NSG1: variants seen among roughly 807,000 people sequenced by gnomAD.
NSG1 encodes neuronal vesicle trafficking-associated protein 1.
NSG1 carries 9 observed loss-of-function variants against 19.3 expected under a neutral mutation model. The ratio of observed to expected loss-of-function variants is 0.47; its 90% CI spans 0.28 to 0.81. The LOEUF (loss-of-function observed/expected upper bound fraction) is 0.81. NSG1 is among the 40% of genes least tolerant of loss of function. The pLI is 0.11. For synonymous variants in NSG1, 104 were observed against 107.0 expected (o/e 0.97, Z 0.17); for missense variants, 236 against 242.4 (o/e 0.97, Z 0.18).
intron 4 of NSG1, among the ~76,000 whole-genome samples, chr4:4,416,869 C>A (rs1376656861): frequency 6.6e-6 from 1 of 152,204 alleles, no homozygotes; most frequent in Non-Finnish European, 1.5e-5. Flanking sequence ...CACTTCCCTT[C>A]CGTCCTCATT....
At position 4,409,655 on chromosome 4, in the gene NSG1, G is replaced by T. The variant is rs777962457; in HGVS notation, c.329G>T (p.Arg110Leu). The T allele has an allele frequency of 6.8e-6, 11 of 1,613,984 alleles. No homozygotes were observed. The highest frequency in any genetic ancestry group is 4.0e-5 in the African/African-American group (3 of 74,910). ...GTCTACAAGGTGTACAAGTATGACC[G>T]CGCCTGCCCCGATGGGTTCGTCCTC... ...LVVYKVYKYD[R>L]ACPDGFVLKN... Residue 110 changes from arginine (R) to leucine (L), a missense_variant, in exon 4 of 5, where the codon CGC (arginine) becomes CTC (leucine). Coordinates refer to ENST00000621129, the MANE Select transcript of NSG1 (RefSeq NM_014392.5).
intron 2 of NSG1, among the ~76,000 whole-genome samples, chr4:4,388,426 A>T (rs1722845756): frequency 6.6e-6 from 1 of 152,342 alleles, no homozygotes; most frequent in East Asian, 1.9e-4. Flanking sequence ...GAATTTAAAG[A>T]ATCTCCTCTT....
At chr4:4,410,842 T>C (rs1443527320) in intron 4 of NSG1, among the ~76,000 whole-genome samples, 1 of 152,196 alleles carries the variant, frequency 6.6e-6, no homozygotes, top group Non-Finnish European at 1.5e-5. Flanking sequence ...GAGCTCACTG[T>C]AACCTTTTTA....
intron 3 of NSG1, among the ~76,000 whole-genome samples, chr4:4,407,171 G>T (rs1273569839): frequency 6.7e-6 from 1 of 148,242 alleles, no homozygotes; most frequent in Non-Finnish European, 1.5e-5. Context: ...CTGGCCCTTA[G>T]AGAGGGTGAT....
intron 2 of NSG1, among the ~76,000 whole-genome samples, chr4:4,387,992 G>A (rs973457609): frequency 2.0e-5 from 3 of 149,706 alleles, no homozygotes; most frequent in African/African-American, 7.3e-5. Context: ...ACAGTGGAAC[G>A]CGGTGGGGCA....
rs150846848 is a variant in NSG1 at position 4,402,147 on chromosome 4, C to T, written c.247-7426C>T. 3.5e-3 allele frequency among the ~76,000 whole-genome samples: 531 copies of T among 151,068 alleles called. 3 individuals are homozygous for T. The highest frequency in any genetic ancestry group is 0.012 in the African/African-American group (509 of 41,070). On this transcript the variant is annotated intron_variant, in intron 3 of 4. Transcript: ENST00000621129. ...CAAGTGATCCTCTCGCTTCGGCCTC[C>T]CAAAGTGCTGGGATTACAGCATGAG... is the stretch of plus-strand genomic sequence containing the variant.
intron 4 of NSG1, chr4:4,416,166 G>C (rs1319269413): frequency 2.8e-6 from 2 of 702,436 alleles, no homozygotes; most frequent in Admixed American, 2.0e-5. Context: ...TGAGGGACCT[G>C]AGATTGAGAG....
At chr4:4,408,680 G>A (rs193084896) in intron 3 of NSG1, among the ~76,000 whole-genome samples, 4 of 152,270 alleles carry the variant, frequency 2.6e-5, no homozygotes, top group African/African-American at 4.8e-5. Flanking sequence ...AGCTGGTGTC[G>A]AATTCCTGAC....
intron 3 of NSG1, among the ~76,000 whole-genome samples, chr4:4,405,317 C>T (rs1363153791): frequency 1.3e-5 from 2 of 152,218 alleles, no homozygotes; most frequent in African/African-American, 4.8e-5. Context: ...TGGATTAGGG[C>T]CCACCCTGAT....
rs374742060 is a variant in NSG1 at position 4,417,351 on chromosome 4, G to A, written c.474G>A (p.Thr158=). The change falls in exon 5 of 5, where the codon ACG becomes ACA. Residue 158 remains threonine, a synonymous_variant. Coordinates refer to ENST00000621129, the MANE Select transcript of NSG1 (RefSeq NM_014392.5). ...ACAACCTGGCCAAGCAGAGCATCAC[G>A]CGCTCCGTATCGCCCTGGATGTCAG... The part of the protein sequence containing the change: ...NHYNLAKQSI[T]RSVSPWMSVL... 37 of 1,614,042 alleles carry A rather than the reference G, an allele frequency of 2.3e-5. No individual in the cohort carries two copies. Among genetic ancestry groups the A allele is most frequent in the Middle Eastern group, 3.3e-4 (2 of 6,084 alleles).
intron 3 of NSG1, among the ~76,000 whole-genome samples, chr4:4,396,862 G>T (rs1263931122): frequency 6.6e-6 from 1 of 151,984 alleles, no homozygotes; most frequent in Non-Finnish European, 1.5e-5. Flanking sequence ...TGGGGGTGGG[G>T]GTTCTTCCCG....
chr4:4,401,974 A>G (rs1437175388), intron 3 of NSG1, among the ~76,000 whole-genome samples: 6 of 150,950 alleles, frequency 4.0e-5, no homozygotes, highest in Non-Finnish European at 5.9e-5. Context: ...TCAAACTCCC[A>G]GGCTGAAGCG....
chr4:4,409,634 A>G lies in NSG1; in HGVS notation c.308A>G (p.Tyr103Cys). 2 of 1,614,076 alleles carry G rather than the reference A, an allele frequency of 1.2e-6. No individual in the cohort carries two copies. Among genetic ancestry groups the G allele is most frequent in the Non-Finnish European group, 1.7e-6 (2 of 1,180,008 alleles). The change falls in exon 4 of 5, where the codon TAC (tyrosine) becomes TGC (cysteine). Residue 103 changes from tyrosine (Y) to cysteine (C), a missense_variant. Coordinates refer to ENST00000621129, the MANE Select transcript of NSG1 (RefSeq NM_014392.5). Reference sequence around the variant, plus strand: ...ACCTGCGTCGTCTTCCTGGTTGTCTACAAGGTGTACAAGTATGACCGCGCC... The same window carrying G: ...ACCTGCGTCGTCTTCCTGGTTGTCTGCAAGGTGTACAAGTATGACCGCGCC... ...FLTCVVFLVV[Y>C]KVYKYDRACP...
At chr4:4,398,062 C>A (rs1175070938) in intron 3 of NSG1, among the ~76,000 whole-genome samples, 2 of 152,156 alleles carry the variant, frequency 1.3e-5, no homozygotes, top group Non-Finnish European at 2.9e-5. Context: ...TCAAGTGATT[C>A]TCCTGCCTCA....
chr4:4,402,959 C>T (rs1457020760), intron 3 of NSG1, among the ~76,000 whole-genome samples: 14 of 152,364 alleles, frequency 9.2e-5, no homozygotes, highest in African/African-American at 3.1e-4. Flanking sequence ...CTTAATAAAA[C>T]CAAGACAGCC....
chr4:4,401,518 C>T (rs1723546394), intron 3 of NSG1, among the ~76,000 whole-genome samples: 1 of 152,214 alleles, frequency 6.6e-6, no homozygotes, highest in East Asian at 1.9e-4. Flanking sequence ...TCCCTCCTCC[C>T]TGGTAAGCTC....
chr4:4,416,374 T>C (rs563272779), intron 4 of NSG1, among the ~76,000 whole-genome samples: 40 of 152,316 alleles, frequency 2.6e-4, no homozygotes, highest in Non-Finnish European at 4.9e-4. Context: ...AGGTATAAAG[T>C]ATTCTCATCT....
intron 3 of NSG1, among the ~76,000 whole-genome samples, chr4:4,408,688 G>C (rs1440143985): frequency 6.6e-6 from 1 of 152,184 alleles, no homozygotes; most frequent in Non-Finnish European, 1.5e-5. Flanking sequence ...TCGAATTCCT[G>C]ACCTCAGGTG....
chr4:4,408,460 T>C (rs978269054), intron 3 of NSG1, among the ~76,000 whole-genome samples: 1 of 152,170 alleles, frequency 6.6e-6, no homozygotes, highest in Non-Finnish European at 1.5e-5. Context: ...TTTTAGCTTT[T>C]TATTGATTGA....
Sources: gnomAD v4.1 joint callset for allele counts (sites outside exome capture counted in the v4.1 genomes callset) on GRCh38, gnomAD v4.1.1 for gene constraint, MANE v1.5 for transcripts, NCBI Gene and HGNC (gene_info 2026-07-23, HGNC 2026-07-21) for gene names.